SBF1: variants seen among roughly 807,000 people sequenced by gnomAD.
The protein encoded by SBF1 is myotubularin-related protein 5.
A neutral mutation model predicts 215.8 loss-of-function variants in SBF1; 65 were observed. The ratio of observed to expected loss-of-function variants is 0.30; its 90% CI spans 0.25 to 0.37. The LOEUF (loss-of-function observed/expected upper bound fraction) is 0.37. SBF1 is among the 10% of genes least tolerant of loss of function. SBF1 has a pLI of 1.00. For synonymous variants in SBF1, 1,410 were observed against 1,122.8 expected (o/e 1.26, Z -5.11); for missense variants, 2,634 against 2,667.8 (o/e 0.99, Z 0.28).
rs2066836933 is a variant in SBF1 at position 50,446,803 on chromosome 22, G to A, written c.*339C>T. Reference sequence around the variant, plus strand: ...GGGAGTGGGGAAGGCAGGCACAGGAGCGTGGCGTTAGTTCTCTCTTTATAT... The same window carrying A: ...GGGAGTGGGGAAGGCAGGCACAGGAACGTGGCGTTAGTTCTCTCTTTATAT... On this transcript the variant is annotated 3_prime_UTR_variant, in exon 41 of 41. Coordinates refer to ENST00000380817, the MANE Select transcript of SBF1 (RefSeq NM_002972.4). 1 of 624,044 alleles carries A rather than the reference G, an allele frequency of 1.6e-6. No homozygotes were observed. The highest frequency in any genetic ancestry group is 3.0e-6 in the Non-Finnish European group (1 of 330,348). The allele number at this position is 624,044 out of a possible 1,614,324, so 38.7% of individuals were successfully genotyped here. A position where few individuals can be genotyped will look rare whatever the true frequency, so the allele number is the denominator to read the frequency against.
rs372906814 is a variant in SBF1 at position 50,462,314 on chromosome 22, G to A, written c.2287C>T (p.Arg763Cys). The A allele has an allele frequency of 8.1e-6, 13 of 1,613,886 alleles. No homozygotes were observed. The highest frequency in any genetic ancestry group is 4.0e-5 in the African/African-American group (3 of 74,942). Residue 763 changes from arginine to cysteine, a missense_variant, in exon 19 of 41, where the codon CGC (arginine) becomes TGC (cysteine). By Grantham distance (180) the Arg-to-Cys change is radical. Coordinates refer to ENST00000380817, the MANE Select transcript of SBF1 (RefSeq NM_002972.4). ...AGGGGCAGGAGGAGGTAGCTCATGCGGTTGGCATAGTGGATGGCCTGGCTG... is the reference window on the plus strand; with the variant it reads ...AGGGGCAGGAGGAGGTAGCTCATGCAGTTGGCATAGTGGATGGCCTGGCTG... ...VFSQAIHYANRMSYLLLPLDS... is the reference protein window; with the variant it reads ...VFSQAIHYANCMSYLLLPLDS...
chr22:50,472,189 G>A (rs2068020860), intron 1 of SBF1, among the ~76,000 whole-genome samples: 2 of 152,174 alleles, frequency 1.3e-5, no homozygotes, highest in African/African-American at 2.4e-5. Flanking sequence ...GAGGTGAAAG[G>A]GTCACGGCCA....
rs2067212168 is a variant in SBF1 at position 50,455,492 on chromosome 22, T to C, written c.4357A>G (p.Ile1453Val). ...VLVGLEDGWD[I>V]TTQVVSLVQL... The stretch of plus-strand genomic sequence containing the variant: ...CACGCGCCACACACCTGGGTGGTGA[T>C]GTCCCAGCCATCCTCCAGGCCCACC... Residue 1453 changes from isoleucine to valine, a missense_variant, in exon 32 of 41, where the codon ATC (isoleucine) becomes GTC (valine). Physicochemically the swap from Ile to Val is conservative, Grantham distance 29. Coordinates refer to ENST00000380817, the MANE Select transcript of SBF1 (RefSeq NM_002972.4). The C allele has an allele frequency of 1.2e-6, 2 of 1,609,412 alleles. No individual in the cohort carries two copies. Among genetic ancestry groups the C allele is most frequent in the Non-Finnish European group, 1.7e-6 (2 of 1,178,286 alleles).
Position 50,472,368 on chromosome 22 carries a change from G to A in SBF1, c.55+2418C>T, listed in dbSNP as rs555212788. Among the ~76,000 whole-genome samples, 206 of 152,284 alleles carry A rather than the reference G, an allele frequency of 1.4e-3. 2 individuals carry two copies. The highest frequency in any genetic ancestry group is 0.01 in the Middle Eastern group (3 of 294). On this transcript the variant is annotated intron_variant, in intron 1 of 40. Coordinates refer to ENST00000380817, the MANE Select transcript of SBF1 (RefSeq NM_002972.4). ...GATGTCCAGATCCAGGCCAAGACAA[G>A]CTATCCGCCAATCCTAATCCCCAAC...
At position 50,467,705 on chromosome 22, in the gene SBF1, G is replaced by C; in HGVS notation, c.280-15C>G. 1 of 1,606,328 alleles carries C rather than the reference G, an allele frequency of 6.2e-7. No homozygotes were observed. Among genetic ancestry groups the C allele is most frequent in the Non-Finnish European group, 8.5e-7 (1 of 1,176,588 alleles). On this transcript the variant is annotated splice_polypyrimidine_tract_variant and intron_variant, in intron 3 of 40. Transcript: ENST00000380817. ...CGCGTCGTTTCCTGCTGGGGGTCAG[G>C]GGGAGACGGGGGCAGGGGGAGTTGG... is the stretch of plus-strand genomic sequence containing the variant.
chr22:50,471,042 A>C (rs1329655726), intron 1 of SBF1, among the ~76,000 whole-genome samples: 1 of 152,050 alleles, frequency 6.6e-6, no homozygotes, highest in Non-Finnish European at 1.5e-5. Flanking sequence ...CATAGGAGTG[A>C]CCTCCAGCAG....
Position 50,456,594 on chromosome 22 carries a change from GTC to G in SBF1, c.3982_3983del (p.Asp1328ArgfsTer50). 1 of 1,538,972 alleles carries G rather than the reference GTC, an allele frequency of 6.5e-7. No individual in the cohort carries two copies. On this transcript the variant is annotated frameshift_variant, in exon 30 of 41. Transcript: ENST00000380817. LOFTEE classifies it high-confidence loss of function. ...TDVGSRLAGR[D>X]ALAPPQANGG... is the part of the protein sequence containing the mutation. Reference sequence around the variant, plus strand: ...CGTTGGCCTGGGGTGGGGCCAGCGCGTCTCTGCCAGCTAGCCGGGAGCCCACA... The same window carrying G: ...CGTTGGCCTGGGGTGGGGCCAGCGCGTCTGCCAGCTAGCCGGGAGCCCACA...
At chr22:50,457,329 C>T (rs2067295195) in intron 28 of SBF1, 1 of 439,274 alleles carries the variant, frequency 2.3e-6, no homozygotes, top group Non-Finnish European at 4.0e-6. Flanking sequence ...TCCGTGGCAG[C>T]AGAAGGGCTA....
chr22:50,461,476 G>A (rs761860211), intron 22 of SBF1, 47 bp downstream of exon 22: 6 of 1,546,196 alleles, frequency 3.9e-6, no homozygotes, highest in Admixed American at 1.9e-5. Flanking sequence ...CCATCCCAAA[G>A]ACCTGGGGGA....
chr22:50,456,763 G>C, intron 29 of SBF1, 90 bp from the exon 30 acceptor site: 1 of 1,174,550 alleles, frequency 8.5e-7, no homozygotes, highest in Non-Finnish European at 1.2e-6. Context: ...GGAGGGGGCT[G>C]AGCTCCCAGG....
At position 50,464,593 on chromosome 22, in the gene SBF1, C is replaced by A. The variant is rs1468624026; in HGVS notation, c.1577G>T (p.Gly526Val). ...IVDQAAAKMQ[G>V]APPAVKAERR... Reference sequence around the variant, plus strand: ...CTCGGCCTTCACAGCTGGGGGTGCACCCTGCATCTTGGCTGCAGCCTGGTC... The same window carrying A: ...CTCGGCCTTCACAGCTGGGGGTGCAACCTGCATCTTGGCTGCAGCCTGGTC... Residue 526 changes from glycine (G) to valine (V), a missense_variant, in exon 14 of 41, where the codon GGT becomes GTT. Coordinates refer to ENST00000380817, the MANE Select transcript of SBF1 (RefSeq NM_002972.4). 3.7e-6 allele frequency: 6 copies of A among 1,612,034 alleles called. No homozygotes were observed. Among genetic ancestry groups the A allele is most frequent in the Non-Finnish European group, 5.1e-6 (6 of 1,179,786 alleles).
intron 26 of SBF1, 115 bp from the exon 27 acceptor site, chr22:50,459,781 TCAGCCACGGGGCCCCC>T (rs2067421739): frequency 7.4e-7 from 1 of 1,348,048 alleles, no homozygotes; most frequent in Non-Finnish European, 1.0e-6. Flanking sequence ...CGCTTCCAGC[TCAGCCACGGGGCCCCC>T]CAGCCACCCC....
chr22:50,447,229 C>T lies in SBF1; in HGVS notation c.5595G>A (p.Thr1865=), dbSNP rs371139013. Residue 1865 remains threonine, a synonymous_variant, in exon 41 of 41, where the codon ACG becomes ACA. Coordinates refer to ENST00000380817, the MANE Select transcript of SBF1 (RefSeq NM_002972.4). ...GGGCACAGAAGTTGTAAACGCGACG[C>T]GTTGTCTTCACCTGGGGAAGGGCGG... ...DEKAFFDVKT[T]RRVYNFCAQD... is the part of the protein sequence containing the mutation. 2.1e-4 allele frequency: 341 copies of T among 1,613,988 alleles called. No homozygotes were observed. Among genetic ancestry groups the T allele is most frequent in the South Asian group, 2.9e-4 (26 of 91,090 alleles).
Position 50,459,382 on chromosome 22 carries a change from C to G in SBF1, c.3699G>C (p.Gln1233His), listed in dbSNP as rs1292351313. 2.5e-6 allele frequency: 4 copies of G among 1,612,178 alleles called. No homozygotes were observed. Among genetic ancestry groups the G allele is most frequent in the South Asian group, 1.1e-5 (1 of 91,060 alleles). Residue 1233 changes from glutamine (Q) to histidine (H), a missense_variant, in exon 28 of 41, where the codon CAG (glutamine) becomes CAC (histidine). Physicochemically the swap from Gln to His is conservative, Grantham distance 24. Transcript: ENST00000380817. Reference protein sequence around the residue: ...AQNAPSPGQSQADSSSLEQEK... With the variant: ...AQNAPSPGQSHADSSSLEQEK... ...CCTGCTCCAGGCTACTCGAGTCCGC[C>G]TGGGACTGGCCTGGGGGAGGACACG...
chr22:50,463,143 C>T, intron 16 of SBF1, 140 bp downstream of exon 16: 1 of 1,235,622 alleles, frequency 8.1e-7, no homozygotes, highest in Non-Finnish European at 1.1e-6. Flanking sequence ...CACCCTGTTC[C>T]CTGCAGACCG....
chr22:50,471,978 C>T (rs1264392855), intron 1 of SBF1, among the ~76,000 whole-genome samples: 1 of 152,218 alleles, frequency 6.6e-6, no homozygotes, highest in African/African-American at 2.4e-5. Flanking sequence ...AGATGGAAGG[C>T]CGATGGCCAG....
Position 50,446,979 on chromosome 22 carries a change from CG to C in SBF1, c.*162del, listed in dbSNP as rs1016569420. ...GACGCCAAAATAAGTTAGGGCCGGCCGGGCGGGGCGGGGCGGGGACGGGGGC... is the reference window on the plus strand; with the variant it reads ...GACGCCAAAATAAGTTAGGGCCGGCCGGCGGGGCGGGGCGGGGACGGGGGC... On this transcript the variant is annotated 3_prime_UTR_variant, in exon 41 of 41. Transcript: ENST00000380817. 7 of 720,612 alleles carry C rather than the reference CG, an allele frequency of 9.7e-6. No homozygotes were observed. The African/African-American group carries it at 1.3e-4, about 13-fold the overall frequency. 44.6% of individuals were successfully genotyped at this position (720,612 alleles called of 1,614,324 possible). A position where few individuals can be genotyped will look rare whatever the true frequency, so the allele number is the denominator to read the frequency against.
chr22:50,453,988 C>T (rs188170389), intron 36 of SBF1, among the ~76,000 whole-genome samples: 77 of 152,196 alleles, frequency 5.1e-4, no homozygotes, highest in Admixed American at 3.1e-3. Flanking sequence ...ACCACCCAAT[C>T]GCAGTCTCCT....
rs1444666226 is a variant in SBF1, at chr22:50,464,936, G to C, written c.1333-19C>G. On this transcript the variant is annotated intron_variant, in intron 12 of 40. Coordinates refer to ENST00000380817, the MANE Select transcript of SBF1 (RefSeq NM_002972.4). ...CCACCAGCTAGCGGGGTAAGCAGGA[G>C]GTTAGGTAAGCCATGGTCAGGCGGA... is the stretch of plus-strand genomic sequence containing the variant. The C allele has an allele frequency of 6.2e-7, 1 of 1,613,860 alleles. No individual in the cohort carries two copies. The highest frequency in any genetic ancestry group is 2.2e-5 in the East Asian group (1 of 44,876).
Sources: gnomAD v4.1 joint callset for allele counts (sites outside exome capture counted in the v4.1 genomes callset) on GRCh38, gnomAD v4.1.1 for gene constraint, MANE v1.5 for transcripts, NCBI Gene and HGNC (gene_info 2026-07-23, HGNC 2026-07-21) for gene names.